Variants in ARFGEF2 observed in about 807,000 individuals in gnomAD.
The protein encoded by ARFGEF2 is ARF guanine nucleotide exchange factor 2.
ARFGEF2 carries 74 observed loss-of-function variants against 219.9 expected under a neutral mutation model. That is an observed-to-expected ratio of 0.34 (90% CI 0.28 to 0.41). The LOEUF (loss-of-function observed/expected upper bound fraction) is 0.41. Ranked by LOEUF, ARFGEF2 falls within the 10% of genes least tolerant of loss-of-function variation. The probability of loss-of-function intolerance (pLI) is 1.00; values close to 1 mark genes in which losing one functional copy is unlikely to be tolerated. For synonymous variants in ARFGEF2, 733 were observed against 799.2 expected (o/e 0.92, Z 1.40); for missense variants, 1,743 against 2,218.3 (o/e 0.79, Z 4.30).
At chr20:48,948,696 A>G (rs946252716) in intron 3 of ARFGEF2, among the ~76,000 whole-genome samples, 2 of 152,212 alleles carry the variant, frequency 1.3e-5, no homozygotes, top group African/African-American at 4.8e-5. Flanking sequence ...AGTGAGTCCT[A>G]TAAAGGCCTG....
intron 31 of ARFGEF2, 42 bp from the exon 32 acceptor site, chr20:49,017,207 T>C: frequency 6.2e-7 from 1 of 1,606,652 alleles, no homozygotes; most frequent in Non-Finnish European, 8.5e-7. Flanking sequence ...GGCATCAAAA[T>C]AGCAGTAGAA....
intron 14 of ARFGEF2, among the ~76,000 whole-genome samples, chr20:48,983,790 C>T (rs1370743657): frequency 6.6e-6 from 1 of 152,186 alleles, no homozygotes; most frequent in Non-Finnish European, 1.5e-5. Context: ...AAGTTCTGCC[C>T]TTGCCCCTAT....
At chr20:48,925,369 AC>A (rs1357837372) in intron 1 of ARFGEF2, among the ~76,000 whole-genome samples, 2 of 152,090 alleles carry the variant, frequency 1.3e-5, no homozygotes, top group African/African-American at 4.8e-5. Context: ...ATAATCTTCA[AC>A]CTTTCAGCCC....
intron 1 of ARFGEF2, among the ~76,000 whole-genome samples, chr20:48,922,231 TC>T (rs1381571736): frequency 6.6e-6 from 1 of 152,208 alleles, no homozygotes; most frequent in Non-Finnish European, 1.5e-5. Flanking sequence ...CAGAGCTTGT[TC>T]CTCAGGGTTC....
At chr20:48,939,896 T>A (rs564270791) in intron 1 of ARFGEF2, among the ~76,000 whole-genome samples, 2 of 152,286 alleles carry the variant, frequency 1.3e-5, no homozygotes, top group African/African-American at 4.8e-5. Context: ...TAGTGCCATA[T>A]CCACTCTACT....
intron 25 of ARFGEF2, among the ~76,000 whole-genome samples, chr20:49,001,218 T>G (rs2091423174): frequency 6.6e-6 from 1 of 152,008 alleles, no homozygotes; most frequent in Non-Finnish European, 1.5e-5. Context: ...TTTTGTATTT[T>G]CAGTAAAGAC....
chr20:48,946,497 T>A (rs199906281), intron 3 of ARFGEF2, among the ~76,000 whole-genome samples: 7 of 141,150 alleles, frequency 5.0e-5, no homozygotes, highest in Non-Finnish European at 7.9e-5. Flanking sequence ...ATATATATAT[T>A]TTTATTTTTT....
chr20:48,922,152 A>AC, intron 1 of ARFGEF2, 142 bp downstream of exon 1: 3 of 1,319,826 alleles, frequency 2.3e-6, no homozygotes. Flanking sequence ...TCCTCATTAT[A>AC]CCCCCGGAGG....
chr20:48,944,846 A>G (rs2091016461), intron 3 of ARFGEF2, among the ~76,000 whole-genome samples: 1 of 152,148 alleles, frequency 6.6e-6, no homozygotes, highest in Non-Finnish European at 1.5e-5. Flanking sequence ...AATCTGGCCT[A>G]CTGTCTGCTT....
chr20:48,999,896 A>G (rs761023282), intron 25 of ARFGEF2, among the ~76,000 whole-genome samples: 19 of 152,192 alleles, frequency 1.2e-4, no homozygotes, highest in Middle Eastern at 3.2e-3. Context: ...GTGAAGAGTT[A>G]TAATACCAAT....
At chr20:48,988,942 G>A (rs1287358925) in intron 18 of ARFGEF2, among the ~76,000 whole-genome samples, 3 of 152,072 alleles carry the variant, frequency 2.0e-5, no homozygotes, top group Non-Finnish European at 2.9e-5. Context: ...GATTGTGTCC[G>A]CCTTGATTAG....
At position 49,032,113 on chromosome 20, in the gene ARFGEF2, A is replaced by G; in HGVS notation, c.5128A>G (p.Thr1710Ala). The change falls in exon 38 of 39, where the codon ACA becomes GCA. Residue 1710 changes from threonine (T) to alanine (A), a missense_variant. By Grantham distance (58) the Thr-to-Ala change is moderately conservative (BLOSUM62 0). Transcript: ENST00000371917. ...VNSESHREAW[T>A]SLLLLLLTKT... ...TTCTGAGAGCCATCGGGAGGCCTGGACAAGTCTCTTGTTGTTACTTCTAAC... is the reference window on the plus strand; with the variant it reads ...TTCTGAGAGCCATCGGGAGGCCTGGGCAAGTCTCTTGTTGTTACTTCTAAC... The G allele has an allele frequency of 1.9e-6, 3 of 1,614,064 alleles. No homozygotes were observed. The South Asian group carries it at 3.3e-5, about 18-fold the overall frequency.
intron 1 of ARFGEF2, among the ~76,000 whole-genome samples, chr20:48,938,836 C>T (rs2090976113): frequency 6.6e-6 from 1 of 152,202 alleles, no homozygotes; most frequent in Non-Finnish European, 1.5e-5. Context: ...GCACCCCTTC[C>T]TGTACTGGGT....
chr20:48,951,613 G>C (rs570367778), intron 4 of ARFGEF2, 144 bp downstream of exon 4: 79 of 1,169,342 alleles, frequency 6.8e-5, no homozygotes, highest in Non-Finnish European at 1.2e-5. Context: ...TAGATCTTTT[G>C]TTAGGTGTCA....
chr20:48,995,759 C>T, intron 22 of ARFGEF2, 24 bp from the exon 23 acceptor site: 1 of 1,601,490 alleles, frequency 6.2e-7, no homozygotes, highest in South Asian at 1.1e-5. Flanking sequence ...TGAAGTACTG[C>T]TGATTTTGTG....
intron 3 of ARFGEF2, among the ~76,000 whole-genome samples, chr20:48,944,470 G>A (rs990512927): frequency 2.0e-5 from 3 of 152,006 alleles, no homozygotes; most frequent in Non-Finnish European, 4.4e-5. Context: ...AAGGCTTAGG[G>A]AATGAAGTGA....
chr20:48,952,975 G>A (rs1321348873), intron 5 of ARFGEF2, 91 bp downstream of exon 5: 2 of 1,323,028 alleles, frequency 1.5e-6, no homozygotes, highest in East Asian at 2.3e-5. Context: ...AGAATCACTA[G>A]CATTTTAAAG....
At chr20:48,995,910 G>A (rs1395633697) in intron 23 of ARFGEF2, 28 bp downstream of exon 23, 3 of 1,597,308 alleles carry the variant, frequency 1.9e-6, no homozygotes, top group East Asian at 2.2e-5. Context: ...CAGTGACCCT[G>A]AACTACACAG....
At chr20:48,974,022 C>T (rs74745341) in intron 12 of ARFGEF2, among the ~76,000 whole-genome samples, 3 of 150,836 alleles carry the variant, frequency 2.0e-5, no homozygotes, top group African/African-American at 4.9e-5. Flanking sequence ...TTAGGGGATA[C>T]GTTGTATCCA....
Sources: allele counts gnomAD v4.1 joint callset (sites outside exome capture counted in the v4.1 genomes callset), GRCh38; gene constraint gnomAD v4.1.1; transcripts MANE v1.5; gene names NCBI Gene and HGNC (gene_info 2026-07-23, HGNC 2026-07-21).